The following ATOSA variants were observed in gnomAD, a reference collection of about 807,000 sequenced individuals.
ATOSA encodes the protein atos homolog protein A.
At chr15:52,589,002 G>C in the ATOSA span, among the ~76,000 whole-genome samples, 1 of 152,162 alleles carries the variant, frequency 6.6e-6, no homozygotes, top group Admixed American at 6.5e-5. Context: ...AAGGTAAAAG[G>C]GAAAGCCACA....
At chr15:52,652,985 C>A in the ATOSA span, among the ~76,000 whole-genome samples, 3 of 152,188 alleles carry the variant, frequency 2.0e-5, no homozygotes, top group Non-Finnish European at 4.4e-5. Flanking sequence ...AAAAATTTCT[C>A]ATTTTAGAAA....
chr15:52,662,748 C>T, the ATOSA span, among the ~76,000 whole-genome samples: 13 of 136,466 alleles, frequency 9.5e-5, 1 homozygote, highest in Middle Eastern at 4.1e-3. Context: ...CCAGCCTGAG[C>T]GACAGAGCAA....
the ATOSA span, among the ~76,000 whole-genome samples, chr15:52,636,175 A>T: frequency 6.7e-6 from 1 of 148,428 alleles, no homozygotes; most frequent in Non-Finnish European, 1.5e-5. Context: ...AAATAAATAA[A>T]TAAAATAAAA....
chr15:52,606,444 C>G, the ATOSA span, among the ~76,000 whole-genome samples: 1 of 152,110 alleles, frequency 6.6e-6, no homozygotes, highest in South Asian at 2.1e-4. Context: ...TTTATAGTTT[C>G]CCTAGCTCAA....
At chr15:52,633,565 A>G in the ATOSA span, among the ~76,000 whole-genome samples, 1 of 152,192 alleles carries the variant, frequency 6.6e-6, no homozygotes, top group Non-Finnish European at 1.5e-5. Flanking sequence ...AGCATTGAAG[A>G]GGAGACAGTA....
the ATOSA span, chr15:52,608,870 C>A: frequency 1.2e-6 from 2 of 1,608,772 alleles, no homozygotes; most frequent in Non-Finnish European, 1.7e-6. Context: ...ATTTTTGAGT[C>A]ATTTTTTTTG....
the ATOSA span, among the ~76,000 whole-genome samples, chr15:52,652,653 C>A: frequency 2.6e-5 from 4 of 152,048 alleles, no homozygotes; most frequent in Non-Finnish European, 5.9e-5. Context: ...ACCAGACTGA[C>A]TAGAAAAAGA....
At chr15:52,622,944 G>A in the ATOSA span, among the ~76,000 whole-genome samples, 2 of 150,378 alleles carry the variant, frequency 1.3e-5, no homozygotes, top group African/African-American at 4.9e-5. Flanking sequence ...GCAACACAGT[G>A]AGACACTGTC....
At chr15:52,629,435 T>C in the ATOSA span, among the ~76,000 whole-genome samples, 1 of 151,854 alleles carries the variant, frequency 6.6e-6, no homozygotes, top group Non-Finnish European at 1.5e-5. Flanking sequence ...GTTAATGACA[T>C]GTATCCACCA....
the ATOSA span, among the ~76,000 whole-genome samples, chr15:52,594,484 G>A: frequency 6.6e-6 from 1 of 152,146 alleles, no homozygotes; most frequent in South Asian, 2.1e-4. Flanking sequence ...AATGTGAGTA[G>A]CATTCCTTTG....
At chr15:52,687,274 G>A in the ATOSA span, among the ~76,000 whole-genome samples, 2,812 of 152,284 alleles carry the variant, frequency 0.018, 103 homozygotes, top group African/African-American at 0.065. Context: ...TCGTGTTGGC[G>A]GGCGCGTGTA....
the ATOSA span, among the ~76,000 whole-genome samples, chr15:52,667,738 T>C: frequency 6.6e-6 from 1 of 152,234 alleles, no homozygotes; most frequent in Non-Finnish European, 1.5e-5. Context: ...GCTGGATACA[T>C]GTTGTATCTG....
At chr15:52,605,431 A>AT in the ATOSA span, among the ~76,000 whole-genome samples, 16 of 151,820 alleles carry the variant, frequency 1.1e-4, no homozygotes, top group Admixed American at 4.6e-4. Flanking sequence ...AGAAGTTTGG[A>AT]TTTTTTTTCT....
the ATOSA span, chr15:52,678,034 T>C: frequency 6.2e-7 from 1 of 1,614,006 alleles, no homozygotes; most frequent in Non-Finnish European, 8.5e-7. Flanking sequence ...TCACATCCAA[T>C]TTTCGCCCAG....
chr15:52,618,195 C>G, the ATOSA span, among the ~76,000 whole-genome samples: 11 of 152,166 alleles, frequency 7.2e-5, no homozygotes, highest in African/African-American at 2.2e-4. Flanking sequence ...CCTACCACCA[C>G]GTCTGGCTAA....
chr15:52,610,041 A>G, the ATOSA span: 2 of 1,613,936 alleles, frequency 1.2e-6, no homozygotes, highest in Non-Finnish European at 1.7e-6. Context: ...CAGCTGCAGT[A>G]TATTCTGGAC....
the ATOSA span, among the ~76,000 whole-genome samples, chr15:52,667,300 T>C: frequency 6.6e-6 from 1 of 152,246 alleles, no homozygotes; most frequent in African/African-American, 2.4e-5. Context: ...CATATTCTTA[T>C]GGCATACTCC....
the ATOSA span, among the ~76,000 whole-genome samples, chr15:52,659,039 G>A: frequency 2.0e-5 from 3 of 152,010 alleles, no homozygotes; most frequent in Admixed American, 6.6e-5. Context: ...AAGTTTGTAC[G>A]GGCCATCTGA....
chr15:52,680,976 T>G, the ATOSA span, among the ~76,000 whole-genome samples: 1 of 152,244 alleles, frequency 6.6e-6, no homozygotes, highest in Non-Finnish European at 1.5e-5. Context: ...TGTAAAAGGC[T>G]TACTGGGTGA....
Sources: gnomAD v4.1 joint callset for allele counts (sites outside exome capture counted in the v4.1 genomes callset) on GRCh38, gnomAD v4.1.1 for gene constraint, MANE v1.5 for transcripts, NCBI Gene and HGNC (gene_info 2026-07-23, HGNC 2026-07-21) for gene names.